Variants in AMOTL2 observed in about 807,000 individuals in gnomAD.
The protein encoded by AMOTL2 is angiomotin-like protein 2.
Under a neutral mutation model 78.4 loss-of-function variants are expected in AMOTL2, and 33 were observed. That is an observed-to-expected ratio of 0.42 (90% CI 0.32 to 0.56). The LOEUF (loss-of-function observed/expected upper bound fraction) is 0.56. Among genes scored for constraint, AMOTL2 ranks in the 20% least tolerant of loss-of-function variants. The pLI is 0.12. For missense variants in AMOTL2, 983 were observed against 1,030.1 expected, an observed-to-expected ratio of 0.95 and a Z score of 0.63; for synonymous variants, 422 against 428.8, an observed-to-expected ratio of 0.98 and a Z score of 0.20.
chr3:134,357,581 G>C lies in AMOTL2; in HGVS notation c.*124C>G. The C allele has an allele frequency of 9.8e-7, 1 of 1,023,370 alleles. No homozygotes were observed. The highest frequency in any genetic ancestry group is 1.3e-5 in the South Asian group (1 of 74,442). 63.4% of individuals were successfully genotyped at this position (1,023,370 alleles called of 1,614,324 possible). A position where few individuals can be genotyped will look rare whatever the true frequency, so the allele number is the denominator to read the frequency against. On this transcript the variant is annotated 3_prime_UTR_variant, in exon 10 of 10. Transcript: ENST00000249883. ...GAGCTCCTGGGACCAGATGGTCAAT[G>C]GGAATGAGTGTCTGGCTGGGGAAAG...
intron 1 of AMOTL2, chr3:134,373,594 C>A (rs2017964405): frequency 1.0e-6 from 1 of 985,360 alleles, no homozygotes; most frequent in African/African-American, 1.7e-5. Flanking sequence ...GGCCTGGGCT[C>A]CTGCTCGCCT....
chr3:134,362,655 G>A (rs1037173466), intron 5 of AMOTL2, among the ~76,000 whole-genome samples: 46 of 152,258 alleles, frequency 3.0e-4, no homozygotes, highest in African/African-American at 9.9e-4. Flanking sequence ...TAAGGGTCAA[G>A]CTATCCTGAC....
At chr3:134,368,732 C>T (rs1381855789) in intron 2 of AMOTL2, among the ~76,000 whole-genome samples, 1 of 152,126 alleles carries the variant, frequency 6.6e-6, no homozygotes, top group Admixed American at 6.5e-5. Flanking sequence ...CAAATGTGGC[C>T]CAAACTCTTG....
At position 134,367,819 on chromosome 3, in the gene AMOTL2, G is replaced by T; in HGVS notation, c.735-16C>A. On this transcript the variant is annotated splice_polypyrimidine_tract_variant and intron_variant, in intron 2 of 9. Coordinates refer to ENST00000249883, the MANE Select transcript of AMOTL2 (RefSeq NM_016201.4). Reference sequence around the variant, plus strand: ...CTGCAGGATCCTGGGGAACAGAAGAGACGGTGCTCAGAGACAGCACAGACC... The same window carrying T: ...CTGCAGGATCCTGGGGAACAGAAGATACGGTGCTCAGAGACAGCACAGACC... The T allele has an allele frequency of 6.2e-7, 1 of 1,612,576 alleles. No homozygotes were observed. Among genetic ancestry groups the T allele is most frequent in the Non-Finnish European group, 8.5e-7 (1 of 1,179,722 alleles).
At position 134,370,734 on chromosome 3, in the gene AMOTL2, G is replaced by T; in HGVS notation, c.700C>A (p.Arg234Ser). ...TAVTDPRYRARGSPHFQHAEV... is the reference protein window; with the variant it reads ...TAVTDPRYRASGSPHFQHAEV... ...GCATGCTGGAAGTGCGGGCTGCCGC[G>T]GGCACGGTACCGTGGGTCAGTGACA... The change falls in exon 2 of 10, where the codon CGC becomes AGC. Residue 234 changes from arginine (R) to serine (S), a missense_variant. By Grantham distance (110) the Arg-to-Ser change is moderately radical (BLOSUM62 -1). Coordinates refer to ENST00000249883, the MANE Select transcript of AMOTL2 (RefSeq NM_016201.4). 1 of 1,511,512 alleles carries T rather than the reference G, an allele frequency of 6.6e-7. No individual in the cohort carries two copies. Among genetic ancestry groups the T allele is most frequent in the Non-Finnish European group, 8.8e-7 (1 of 1,129,980 alleles). 93.6% of individuals were successfully genotyped at this position (1,511,512 alleles called of 1,614,324 possible).
At chr3:134,369,064 C>A (rs2017736431) in intron 2 of AMOTL2, among the ~76,000 whole-genome samples, 1 of 151,998 alleles carries the variant, frequency 6.6e-6, no homozygotes, top group African/African-American at 2.4e-5. Flanking sequence ...AGCCTATGGC[C>A]CCCCTGCTCT....
At chr3:134,372,290 T>C (rs1198863632) in intron 1 of AMOTL2, among the ~76,000 whole-genome samples, 1 of 152,094 alleles carries the variant, frequency 6.6e-6, no homozygotes, top group Non-Finnish European at 1.5e-5. Flanking sequence ...CTCCCTGTCA[T>C]GGGATGACCT....
rs1397893209 is a variant in AMOTL2 at position 134,361,518 on chromosome 3, T to C, written c.1569A>G (p.Ala523=). The part of the protein sequence containing the change: ...RLEQELKALR[A]QQRQAGAPGG... ...GGAGACTTTCTCAGCTCACCTGCTGTGCACGCAGGGCCTTGAGTTCCTGCT... is the reference window on the plus strand; with the variant it reads ...GGAGACTTTCTCAGCTCACCTGCTGCGCACGCAGGGCCTTGAGTTCCTGCT... The change falls in exon 6 of 10, where the codon GCA becomes GCG. Residue 523 remains alanine (A), a synonymous_variant. Transcript: ENST00000249883. 3 of 1,608,528 alleles carry C rather than the reference T, an allele frequency of 1.9e-6. No individual in the cohort carries two copies. Among genetic ancestry groups the C allele is most frequent in the Admixed American group, 1.7e-5 (1 of 59,726 alleles).
rs1419588147 is a variant in AMOTL2, at chr3:134,366,272, C to T, written c.1186+11G>A. The stretch of plus-strand genomic sequence containing the variant: ...GGTTCTCCAACCTCCACCTGTGTGA[C>T]TGGCTCTCACCTCTAAGATCCCGGT... On this transcript the variant is annotated intron_variant, in intron 4 of 9. Transcript: ENST00000249883. 6 of 1,613,402 alleles carry T rather than the reference C, an allele frequency of 3.7e-6. No homozygotes were observed. The highest frequency in any genetic ancestry group is 5.1e-6 in the Non-Finnish European group (6 of 1,179,746).
At chr3:134,360,490 G>A (rs973505191) in intron 6 of AMOTL2, 77 bp from the exon 7 acceptor site, 4 of 1,240,898 alleles carry the variant, frequency 3.2e-6, no homozygotes, top group Non-Finnish European at 4.6e-6. Context: ...GCCTCCACAC[G>A]ACTGTCACTT....
intron 1 of AMOTL2, 175 bp from the exon 2 acceptor site, chr3:134,371,669 T>A: frequency 1.0e-6 from 1 of 1,001,732 alleles, no homozygotes; most frequent in Non-Finnish European, 1.4e-6. Flanking sequence ...ATCTACTGAT[T>A]AAGACAAGTT....
chr3:134,365,726 A>AG, intron 5 of AMOTL2, 91 bp downstream of exon 5: 3 of 1,205,414 alleles, frequency 2.5e-6, no homozygotes, highest in Non-Finnish European at 2.4e-6. Context: ...CTACTTTGCA[A>AG]GGGGGAAGGC....
chr3:134,371,037 G>C lies in AMOTL2; in HGVS notation c.397C>G (p.Pro133Ala), dbSNP rs1302937383. 1 of 1,606,966 alleles carries C rather than the reference G, an allele frequency of 6.2e-7. No homozygotes were observed. Among genetic ancestry groups the C allele is most frequent in the Admixed American group, 1.7e-5 (1 of 59,040 alleles). Reference protein sequence around the residue: ...GTRPHAGDRDPRGAPGGSRRQ... With the variant: ...GTRPHAGDRDARGAPGGSRRQ... Reference sequence around the variant, plus strand: ...CGACTGCCTCCCGGGGCCCCACGGGGATCTCGGTCCCCCGCATGTGGCCGG... The same window carrying C: ...CGACTGCCTCCCGGGGCCCCACGGGCATCTCGGTCCCCCGCATGTGGCCGG... Residue 133 changes from proline (P) to alanine (A), a missense_variant, in exon 2 of 10, where the codon CCC (proline) becomes GCC (alanine). Physicochemically the swap from Pro to Ala is conservative, Grantham distance 27 (BLOSUM62 -1). Coordinates refer to ENST00000249883, the MANE Select transcript of AMOTL2 (RefSeq NM_016201.4).
At position 134,361,504 on chromosome 3, in the gene AMOTL2, C is replaced by T. The variant is rs752863765; in HGVS notation, c.1575+8G>A. 1 of 1,596,134 alleles carries T rather than the reference C, an allele frequency of 6.3e-7. No individual in the cohort carries two copies. Among genetic ancestry groups the T allele is most frequent in the Non-Finnish European group, 8.6e-7 (1 of 1,169,180 alleles). On this transcript the variant is annotated splice_region_variant and intron_variant, in intron 6 of 9. Transcript: ENST00000249883. ...TGCTGCCCTAGCCTGGAGACTTTCT[C>T]AGCTCACCTGCTGTGCACGCAGGGC... is the stretch of plus-strand genomic sequence containing the variant.
rs750744593 is a variant in AMOTL2 at position 134,361,696 on chromosome 3, T to C, written c.1391A>G (p.Asn464Ser). The C allele has an allele frequency of 1.9e-6, 3 of 1,611,324 alleles. No homozygotes were observed. The highest frequency in any genetic ancestry group is 2.2e-5 in the South Asian group (2 of 91,070). The change falls in exon 6 of 10, where the codon AAT becomes AGT. Residue 464 changes from asparagine (N) to serine (S), a missense_variant. Coordinates refer to ENST00000249883, the MANE Select transcript of AMOTL2 (RefSeq NM_016201.4). ...RAELLEQALG[N>S]AQGRAARAEE... ...GGCTCGAGCTGCCCGGCCCTGCGCA[T>C]TGCCCAGAGCCTGCTCCAGCAGCTC...
At chr3:134,370,428 T>A (rs544129533) in intron 2 of AMOTL2, among the ~76,000 whole-genome samples, 1 of 152,222 alleles carries the variant, frequency 6.6e-6, no homozygotes, top group Non-Finnish European at 1.5e-5. Flanking sequence ...CTGCTGCAAT[T>A]TGTGTACTCT....
chr3:134,365,782 C>A (rs372714678), intron 5 of AMOTL2, 35 bp downstream of exon 5: 11 of 1,586,660 alleles, frequency 6.9e-6, no homozygotes, highest in Non-Finnish European at 9.5e-6. Flanking sequence ...ATTGCCTGCA[C>A]ACAGGCCAGG....
chr3:134,370,569 C>T (rs1167968687), intron 2 of AMOTL2, 131 bp downstream of exon 2: 3 of 1,224,834 alleles, frequency 2.4e-6, no homozygotes, highest in Non-Finnish European at 3.3e-6. Context: ...CATTAGCTCT[C>T]CCTTCTCAGG....
intron 4 of AMOTL2, 100 bp from the exon 5 acceptor site, chr3:134,366,009 G>T: frequency 1.5e-6 from 2 of 1,303,450 alleles, no homozygotes; most frequent in Admixed American, 1.9e-5. Context: ...CCTCCATATT[G>T]GGGATGGGTT....
Sources: allele counts gnomAD v4.1 joint callset (sites outside exome capture counted in the v4.1 genomes callset), GRCh38; gene constraint gnomAD v4.1.1; transcripts MANE v1.5; gene names NCBI Gene and HGNC (gene_info 2026-07-23, HGNC 2026-07-21).